PCDHGA1: variants seen among roughly 807,000 people sequenced by gnomAD.
The protein encoded by PCDHGA1 is protocadherin gamma subfamily A, 1.
Under a neutral mutation model 58.0 loss-of-function variants are expected in PCDHGA1, and 32 were observed. The ratio of observed to expected loss-of-function variants is 0.55; its 90% CI spans 0.42 to 0.74. PCDHGA1 has a LOEUF of 0.74. PCDHGA1 is among the 30% of genes least tolerant of loss of function. The pLI is 0.00. For missense variants in PCDHGA1, 1,205 were observed against 1,182.3 expected, an observed-to-expected ratio of 1.02 and a Z score of -0.28; for synonymous variants, 498 against 501.1, an observed-to-expected ratio of 0.99 and a Z score of 0.08.
rs776440788 is a variant in PCDHGA1, at chr5:141,357,631, T to C, written c.2421+24526T>C. ...AGACCCTAATCTTCAGGTGAGTCAA[T>C]CTTATAATAGATCATACCACACTGA... On this transcript the variant is annotated intron_variant, in intron 1 of 3. Transcript: ENST00000517417. 6.8e-6 allele frequency: 11 copies of C among 1,613,284 alleles called. No individual in the cohort carries two copies. The Admixed American group carries it at 1.8e-4, about 27-fold the overall frequency.
intron 1 of PCDHGA1, chr5:141,400,348 C>T (rs745917638): frequency 1.9e-6 from 3 of 1,614,050 alleles, no homozygotes; most frequent in South Asian, 1.1e-5. Context: ...CAACTACAGT[C>T]AGGGGACTTT....
At chr5:141,402,820 C>G (rs1351401631) in intron 1 of PCDHGA1, 2 of 1,288,046 alleles carry the variant, frequency 1.6e-6, no homozygotes, top group Admixed American at 5.9e-5. Flanking sequence ...CACAAACCTG[C>G]TCCCAGGCTG....
At chr5:141,390,299 A>G in intron 1 of PCDHGA1, 1 of 1,613,858 alleles carries the variant, frequency 6.2e-7, no homozygotes, top group Non-Finnish European at 8.5e-7. Context: ...TCCTTTAAGT[A>G]TAATTTAATG....
At chr5:141,394,100 ACCACCTCTGT>A in intron 1 of PCDHGA1, 1 of 1,613,942 alleles carries the variant, frequency 6.2e-7, no homozygotes, top group Admixed American at 1.7e-5. Context: ...ATCTAGGAAC[ACCACCTCTGT>A]CCACTGAAAC....
chr5:141,469,830 A>G (rs184478661), intron 1 of PCDHGA1, among the ~76,000 whole-genome samples: 1 of 152,124 alleles, frequency 6.6e-6, no homozygotes, highest in African/African-American at 2.4e-5. Flanking sequence ...GGTCACATAA[A>G]ACTTATTCTT....
chr5:141,408,096 C>T, intron 1 of PCDHGA1: 5 of 1,434,864 alleles, frequency 3.5e-6, no homozygotes, highest in Non-Finnish European at 4.6e-6. Flanking sequence ...ATTGCCAGCT[C>T]CGAGACCCGG....
intron 1 of PCDHGA1, chr5:141,350,645 C>T (rs1758527219): frequency 1.9e-6 from 3 of 1,613,990 alleles, no homozygotes; most frequent in East Asian, 2.2e-5. Context: ...CAATGCACCA[C>T]GTTTCGTTGC....
rs769717528 is a variant in PCDHGA1, at chr5:141,390,239, C to G, written c.2421+57134C>G. ...TACTTTGCGGTGATTCATCTGGGGCCTTATTTCCACTTTGTAATTCCAGTG... is the reference window on the plus strand; with the variant it reads ...TACTTTGCGGTGATTCATCTGGGGCGTTATTTCCACTTTGTAATTCCAGTG... On this transcript the variant is annotated intron_variant, in intron 1 of 3. Coordinates refer to ENST00000517417, the MANE Select transcript of PCDHGA1 (RefSeq NM_018912.3). 32 of 1,613,904 alleles carry G rather than the reference C, an allele frequency of 2.0e-5. No homozygotes were observed. In the Admixed American group the frequency reaches 5.3e-4, roughly 27 times the overall value.
chr5:141,396,274 C>G (rs2093362401), intron 1 of PCDHGA1: 2 of 152,252 alleles, frequency 1.3e-5, no homozygotes, highest in African/African-American at 2.4e-5. Flanking sequence ...GAGCTATGAT[C>G]ATGCCACTGC....
chr5:141,478,428 C>T (rs2154576655), intron 1 of PCDHGA1: 1 of 1,613,746 alleles, frequency 6.2e-7, no homozygotes, highest in Non-Finnish European at 8.5e-7. Flanking sequence ...CGCAGCGACC[C>T]GCTGCTGAAG....
At chr5:141,395,251 T>G (rs2093205315) in intron 1 of PCDHGA1, 2 of 1,557,062 alleles carry the variant, frequency 1.3e-6, no homozygotes, top group Non-Finnish European at 1.7e-6. Context: ...AGTTTAGTTC[T>G]TTGCTTGCTT....
chr5:141,394,316 G>C (rs779061595), intron 1 of PCDHGA1: 1 of 1,613,976 alleles, frequency 6.2e-7, no homozygotes, highest in African/African-American at 1.3e-5. Context: ...GGGCGCCCCT[G>C]TCCTCGTATA....
chr5:141,479,435 G>C (rs2099495981), intron 1 of PCDHGA1: 1 of 152,218 alleles, frequency 6.6e-6, no homozygotes, highest in Non-Finnish European at 1.5e-5. Context: ...TCAATCCACT[G>C]TCTGCACTAA....
rs2097718776 is a variant in PCDHGA1, at chr5:141,434,813, T to C, written c.2422-59994T>C. On this transcript the variant is annotated intron_variant, in intron 1 of 3. Coordinates refer to ENST00000517417, the MANE Select transcript of PCDHGA1 (RefSeq NM_018912.3). ...TTTTTTCTGAGCTTGGAGAAATATA[T>C]CCCTTAGTACACTTGGCATTTATAA... Among the ~76,000 whole-genome samples, 5 of 151,962 alleles carry C rather than the reference T, an allele frequency of 3.3e-5. No individual in the cohort carries two copies. In the South Asian group the frequency reaches 1.0e-3, roughly 32 times the overall value.
chr5:141,400,734 G>A, intron 1 of PCDHGA1: 1 of 634,548 alleles, frequency 1.6e-6, no homozygotes, highest in Non-Finnish European at 2.7e-6. Flanking sequence ...AAAGTAGTGA[G>A]AGTTTGCTCT....
chr5:141,360,890 G>C, intron 1 of PCDHGA1: 2 of 1,614,058 alleles, frequency 1.2e-6, no homozygotes, highest in Non-Finnish European at 1.7e-6. Context: ...GTCACCCTGA[G>C]GGAGGACGTG....
At chr5:141,383,797 G>C in intron 1 of PCDHGA1, 1 of 1,613,964 alleles carries the variant, frequency 6.2e-7, no homozygotes, top group Non-Finnish European at 8.5e-7. Context: ...GCTTACAGGA[G>C]AAATATCAAC....
chr5:141,415,502 A>AGCCC, intron 1 of PCDHGA1: 1 of 1,614,204 alleles, frequency 6.2e-7, no homozygotes, highest in South Asian at 1.1e-5. Flanking sequence ...ATCTTCCCCC[A>AGCCC]GCCCAATTAT....
chr5:141,346,987 T>A (rs1757837268), intron 1 of PCDHGA1, among the ~76,000 whole-genome samples: 1 of 151,886 alleles, frequency 6.6e-6, no homozygotes, highest in African/African-American at 2.4e-5. Context: ...GGTGACACTC[T>A]TTTTTTCTTT....
Sources: gnomAD v4.1 joint callset for allele counts (sites outside exome capture counted in the v4.1 genomes callset) on GRCh38, gnomAD v4.1.1 for gene constraint, MANE v1.5 for transcripts, NCBI Gene and HGNC (gene_info 2026-07-23, HGNC 2026-07-21) for gene names.